The following TENM2 variants were observed in gnomAD, a reference collection of about 807,000 sequenced individuals.
TENM2 encodes teneurin transmembrane protein 2.
TENM2 carries 52 observed loss-of-function variants against 245.2 expected under a neutral mutation model. That is an observed-to-expected ratio of 0.21 (90% CI 0.17 to 0.27). The LOEUF (loss-of-function observed/expected upper bound fraction) is 0.27. Ranked by LOEUF, TENM2 falls within the 10% of genes least tolerant of loss-of-function variation. TENM2 has a pLI of 1.00. For synonymous variants in TENM2, 1,363 were observed against 1,438.9 expected (o/e 0.95, Z 1.19); for missense variants, 3,046 against 3,666.8 (o/e 0.83, Z 4.37).
chr5:167,439,921 T>C (rs1453425424), intron 2 of TENM2, among the ~76,000 whole-genome samples: 1 of 152,178 alleles, frequency 6.6e-6, no homozygotes, highest in Non-Finnish European at 1.5e-5. Flanking sequence ...CTATATTGCA[T>C]TATTGCCAAT....
At chr5:167,835,379 G>C (rs2973660) in intron 2 of TENM2, among the ~76,000 whole-genome samples, 1 of 152,178 alleles carries the variant, frequency 6.6e-6, no homozygotes, top group Non-Finnish European at 1.5e-5. Context: ...AAATTGAGAA[G>C]GCAGCTGTCA....
At chr5:167,301,102 A>G (rs914390108) in intron 1 of TENM2, among the ~76,000 whole-genome samples, 1 of 152,282 alleles carries the variant, frequency 6.6e-6, no homozygotes, top group East Asian at 1.9e-4. Context: ...CCCGAAGCTC[A>G]GCATCCGTGA....
the TENM2 span, among the ~76,000 whole-genome samples, chr5:167,186,589 G>T: frequency 6.6e-6 from 1 of 152,174 alleles, no homozygotes; most frequent in African/African-American, 2.4e-5. Context: ...AACAACCCTT[G>T]GGACAATGTG....
At chr5:167,950,926 A>G (rs567558465) in intron 3 of TENM2, among the ~76,000 whole-genome samples, 2 of 152,356 alleles carry the variant, frequency 1.3e-5, no homozygotes, top group African/African-American at 4.8e-5. Context: ...ACAACTGTAC[A>G]GTGGTATTTC....
rs1771255928 is a variant in TENM2, at chr5:167,285,037, G to A, written c.200G>A (p.Arg67Gln). 10 of 1,552,108 alleles carry A rather than the reference G, an allele frequency of 6.4e-6. No individual in the cohort carries two copies. The highest frequency in any genetic ancestry group is 3.3e-4 in the Middle Eastern group (2 of 5,998). ...AACCGAGTCACAGACCTCATCCACC[G>A]GGAGTCAGATGAGTTTCCTAGACAA... The change falls in exon 1 of 29, where the codon CGG (arginine) becomes CAG (glutamine). Residue 67 changes from arginine to glutamine, a missense_variant. Physicochemically the swap from Arg to Gln is conservative, Grantham distance 43. Transcript: ENST00000518659.
chr5:168,127,177 A>G (rs914325387), intron 12 of TENM2, among the ~76,000 whole-genome samples: 1 of 152,190 alleles, frequency 6.6e-6, no homozygotes, highest in Non-Finnish European at 1.5e-5. Flanking sequence ...AAGGGACCAG[A>G]GCAGATAAGA....
intron 13 of TENM2, among the ~76,000 whole-genome samples, chr5:168,170,125 T>A (rs1263834892): frequency 1.3e-5 from 2 of 152,222 alleles, no homozygotes. Flanking sequence ...TTTGACTTCC[T>A]GGGCATATTT....
downstream of TENM2, chr5:168,263,281 G>A (rs143994798): frequency 0.015 from 2,342 of 156,332 alleles, 36 homozygotes; most frequent in Non-Finnish European, 0.024. Context: ...ACATGTGAGC[G>A]ACACGCAGAC....
chr5:167,830,313 T>C (rs1768357493), intron 2 of TENM2, among the ~76,000 whole-genome samples: 1 of 152,226 alleles, frequency 6.6e-6, no homozygotes, highest in African/African-American at 2.4e-5. Flanking sequence ...AGTTGCTTGA[T>C]AATGTTTTTT....
chr5:167,325,049 T>TTCC (rs1757003289), intron 1 of TENM2, among the ~76,000 whole-genome samples: 1 of 152,186 alleles, frequency 6.6e-6, no homozygotes, highest in Non-Finnish European at 1.5e-5. Context: ...TTCATTCCCC[T>TTCC]TCCACCTCTG....
intron 2 of TENM2, among the ~76,000 whole-genome samples, chr5:167,720,626 T>C (rs1211589069): frequency 1.3e-5 from 2 of 152,250 alleles, no homozygotes; most frequent in Admixed American, 6.5e-5. Flanking sequence ...ATTCTATTCA[T>C]TTGCATGTTT....
intron 2 of TENM2, among the ~76,000 whole-genome samples, chr5:167,452,948 T>TATATTTTTTTTTTTAA (rs1554157742): frequency 1.1e-4 from 5 of 47,510 alleles, no homozygotes; most frequent in African/African-American, 3.4e-4. Context: ...TATATATATA[T>TATATTTTTTTTTTTAA]ATATATATAT....
chr5:167,016,093 A>G, the TENM2 span, among the ~76,000 whole-genome samples: 6 of 151,940 alleles, frequency 3.9e-5, no homozygotes, highest in South Asian at 2.1e-4. Context: ...TCTCTACTAA[A>G]AATACAAAAA....
chr5:167,616,146 T>G (rs1777775877), intron 2 of TENM2, among the ~76,000 whole-genome samples: 1 of 152,146 alleles, frequency 6.6e-6, no homozygotes, highest in South Asian at 2.1e-4. Flanking sequence ...TAGCATCAAT[T>G]TGTAGGGTTC....
chr5:167,886,733 TGAAAA>T (rs1426859107), intron 3 of TENM2, among the ~76,000 whole-genome samples: 2 of 152,238 alleles, frequency 1.3e-5, no homozygotes, highest in African/African-American at 4.8e-5. Flanking sequence ...TTTCTTCTGA[TGAAAA>T]GAAAACATTT....
At chr5:167,961,776 A>T (rs9313392) in intron 4 of TENM2, among the ~76,000 whole-genome samples, 22,038 of 152,204 alleles carry the variant, frequency 0.14, 2,615 homozygotes, top group African/African-American at 0.32. Flanking sequence ...CTTCAGAAAG[A>T]TAGTAAACTA....
intron 1 of TENM2, among the ~76,000 whole-genome samples, chr5:167,359,643 G>A (rs1759578353): frequency 6.6e-6 from 1 of 152,038 alleles, no homozygotes; most frequent in Admixed American, 6.6e-5. Flanking sequence ...ACCTTTGCCA[G>A]TTCTTACGTC....
At chr5:167,467,007 A>G (rs1352531577) in intron 2 of TENM2, among the ~76,000 whole-genome samples, 1 of 152,182 alleles carries the variant, frequency 6.6e-6, no homozygotes, top group African/African-American at 2.4e-5. Flanking sequence ...ATTGGAGGAA[A>G]TGAATCCTAA....
chr5:167,427,801 GAA>G (rs1763954177), intron 2 of TENM2, among the ~76,000 whole-genome samples: 1 of 107,916 alleles, frequency 9.3e-6, no homozygotes, highest in African/African-American at 3.9e-5. Context: ...GGGAAGGAAG[GAA>G]GGACGGAAAG....
Sources: allele counts gnomAD v4.1 joint callset (sites outside exome capture counted in the v4.1 genomes callset), GRCh38; gene constraint gnomAD v4.1.1; transcripts MANE v1.5; gene names NCBI Gene and HGNC (gene_info 2026-07-23, HGNC 2026-07-21).